The following BRD9 variants were observed in gnomAD, a reference collection of about 807,000 sequenced individuals.
BRD9 encodes the protein bromodomain-containing protein 9.
A neutral mutation model predicts 68.7 loss-of-function variants in BRD9; 47 were observed. The ratio of observed to expected loss-of-function variants is 0.68; its 90% confidence interval spans 0.54 to 0.87. The LOEUF (loss-of-function observed/expected upper bound fraction) is 0.87, where lower values mean the gene tolerates loss of function less well. BRD9 is among the 40% of genes least tolerant of loss of function. The pLI, the probability that BRD9 is intolerant of heterozygous loss-of-function variation, is 0.00. For missense variants in BRD9, 670 were observed against 748.4 expected (o/e 0.90, Z 1.22); for synonymous variants, 313 against 293.9 (o/e 1.06, Z -0.67).
chr5:865,028 G>C (rs749739653), intron 15 of BRD9, among the ~76,000 whole-genome samples: 1 of 152,198 alleles, frequency 6.6e-6, no homozygotes, highest in Non-Finnish European at 1.5e-5. Flanking sequence ...TCTGCCGACA[G>C]AGTGATCCAG....
Position 881,749 on chromosome 5 carries a change from G to C in BRD9, c.967-567C>G, listed in dbSNP as rs536641642. On this transcript the variant is annotated intron_variant, in intron 8 of 15. Transcript: ENST00000467963. ...TCATGCCATGTCAGGGCAGCCACCTGGCCTGAGAAGAGCCGGACGTTTGTG... is the reference window on the plus strand; with the variant it reads ...TCATGCCATGTCAGGGCAGCCACCTCGCCTGAGAAGAGCCGGACGTTTGTG... The C allele has an allele frequency of 1.9e-5, 3 of 156,914 alleles. No individual in the cohort carries two copies. The South Asian group carries it at 5.7e-4, about 30-fold the overall frequency. The allele number at this position is 156,914 out of a possible 1,614,324, so 9.7% of individuals were successfully genotyped here.
At chr5:883,914 C>G in intron 8 of BRD9, 24 bp downstream of exon 8, 2 of 1,604,654 alleles carry the variant, frequency 1.2e-6, no homozygotes, top group Non-Finnish European at 1.7e-6. Flanking sequence ...GTGGCACCCT[C>G]TCTCGGTGGC....
Position 889,976 on chromosome 5 carries a change from T to C in BRD9, c.401-329A>G, listed in dbSNP as rs368674119. ...GACGACGGAACAAACGCTCTGGACA[T>C]AAAGGTTGATCCTGAATTCACCGAT... On this transcript the variant is annotated intron_variant, in intron 3 of 15. Transcript: ENST00000467963. 3.9e-5 allele frequency: 14 copies of C among 356,608 alleles called. No individual in the cohort carries two copies. In the East Asian group the frequency reaches 1.0e-3, roughly 26 times the overall value. 22.1% of individuals were successfully genotyped at this position (356,608 alleles called of 1,614,324 possible).
intron 14 of BRD9, among the ~76,000 whole-genome samples, chr5:869,919 A>G (rs981758917): frequency 6.6e-6 from 1 of 152,240 alleles, no homozygotes; most frequent in Non-Finnish European, 1.5e-5. Context: ...ACCTCCTGGG[A>G]CTGTGTCACA....
At position 865,412 on chromosome 5, in the gene BRD9, AC is replaced by A; in HGVS notation, c.1693+1del. On this transcript the variant is annotated splice_donor_variant, in intron 15 of 15. Coordinates refer to ENST00000467963, the MANE Select transcript of BRD9 (RefSeq NM_023924.5). LOFTEE classifies it high-confidence loss of function. ...GATGCGGCGTGGGTGGGGGCATCTC[AC>A]CCAGGTGGTGCTGGTCCCTCTCGGA... 1 of 1,569,382 alleles carries A rather than the reference AC, an allele frequency of 6.4e-7. No homozygotes were observed.
At chr5:886,778 A>G in intron 6 of BRD9, 71 bp from the exon 7 acceptor site, 2 of 1,609,640 alleles carry the variant, frequency 1.2e-6, no homozygotes, top group Non-Finnish European at 1.7e-6. Flanking sequence ...CTAGAATCAG[A>G]AAGGACAGAG....
intron 11 of BRD9, among the ~76,000 whole-genome samples, chr5:877,163 G>A (rs562346170): frequency 4.9e-4 from 75 of 152,336 alleles, no homozygotes; most frequent in Non-Finnish European, 8.4e-4. Flanking sequence ...TGGACAACAG[G>A]TGACTGATGT....
At chr5:870,766 A>C (rs1750024220) in intron 13 of BRD9, among the ~76,000 whole-genome samples, 191 bp from the exon 14 acceptor site, 1 of 152,214 alleles carries the variant, frequency 6.6e-6, no homozygotes, top group African/African-American at 2.4e-5. Context: ...TCATGAATGG[A>C]TATGCAAATC....
intron 9 of BRD9, 91 bp downstream of exon 9, chr5:881,016 G>T: frequency 7.3e-7 from 1 of 1,361,104 alleles, no homozygotes. Context: ...CTGCCCCATG[G>T]CCATGGCTCA....
intron 13 of BRD9, among the ~76,000 whole-genome samples, chr5:871,215 T>A (rs2150562400): frequency 6.6e-6 from 1 of 152,296 alleles, no homozygotes; most frequent in South Asian, 2.1e-4. Flanking sequence ...CAACACCTGC[T>A]ACTCACCAAG....
intron 7 of BRD9, among the ~76,000 whole-genome samples, chr5:885,092 G>A (rs555594617): frequency 9.2e-5 from 14 of 152,330 alleles, no homozygotes; most frequent in South Asian, 6.2e-4. Flanking sequence ...CCCCCTCGAT[G>A]CTCAGTCACC....
chr5:886,516 T>C, intron 7 of BRD9, 76 bp downstream of exon 7: 1 of 1,345,680 alleles, frequency 7.4e-7, no homozygotes, highest in Non-Finnish European at 1.0e-6. Flanking sequence ...TCACTCACTC[T>C]CCCCTACAAG....
At chr5:878,166 C>T (rs1159639223) in intron 11 of BRD9, among the ~76,000 whole-genome samples, 189 bp downstream of exon 11, 2 of 152,194 alleles carry the variant, frequency 1.3e-5, no homozygotes, top group African/African-American at 4.8e-5. Context: ...ACTGAGTTAC[C>T]CAGATTTCAG....
chr5:884,571 C>A (rs964201626), intron 7 of BRD9, among the ~76,000 whole-genome samples: 3 of 152,374 alleles, frequency 2.0e-5, no homozygotes, highest in Admixed American at 6.5e-5. Context: ...GCAAGTGGTC[C>A]CAGGTTCCAC....
chr5:877,889 GAC>G (rs1395158620), intron 11 of BRD9, among the ~76,000 whole-genome samples: 1 of 152,142 alleles, frequency 6.6e-6, no homozygotes, highest in Non-Finnish European at 1.5e-5. Flanking sequence ...CGAGGACACA[GAC>G]ACACGCAGGA....
chr5:884,139 G>C, intron 7 of BRD9, 69 bp from the exon 8 acceptor site: 1 of 1,576,540 alleles, frequency 6.3e-7, no homozygotes, highest in Non-Finnish European at 8.6e-7. Context: ...CCCATGCGTC[G>C]GCACCTAACC....
intron 9 of BRD9, 55 bp downstream of exon 9, chr5:881,052 A>C: frequency 6.5e-7 from 1 of 1,537,446 alleles, no homozygotes; most frequent in Non-Finnish European, 9.0e-7. Flanking sequence ...ATATCAACGG[A>C]GGCCCAAAAA....
At chr5:892,416 C>A (rs957259801) in intron 1 of BRD9, 190 bp downstream of exon 1, 10 of 1,301,816 alleles carry the variant, frequency 7.7e-6, no homozygotes. Context: ...AACGTAAGCG[C>A]CTACCCAGGA....
intron 15 of BRD9, 120 bp from the exon 16 acceptor site, chr5:864,688 CA>C: frequency 1.3e-6 from 1 of 773,958 alleles, no homozygotes; most frequent in East Asian, 2.8e-5. Context: ...TCCCAGGACA[CA>C]GGGGCACCTC....
Sources: gnomAD v4.1 joint callset for allele counts (sites outside exome capture counted in the v4.1 genomes callset) on GRCh38, gnomAD v4.1.1 for gene constraint, MANE v1.5 for transcripts, NCBI Gene and HGNC (gene_info 2026-07-23, HGNC 2026-07-21) for gene names.